The following CEP112 variants were observed in gnomAD, a reference collection of about 807,000 sequenced individuals.
The protein encoded by CEP112 is centrosomal protein of 112 kDa.
In CEP112, 127 loss-of-function variants were observed where a neutral mutation model predicts 153.0. That is an observed-to-expected ratio of 0.83 (90% CI 0.72 to 0.96). The LOEUF (loss-of-function observed/expected upper bound fraction) is 0.96. Ranked by LOEUF, CEP112 falls within the 40% of genes least tolerant of loss-of-function variation. CEP112 has a pLI of 0.00. For synonymous variants in CEP112, 358 were observed against 374.4 expected, an observed-to-expected ratio of 0.96 and a Z score of 0.51; for missense variants, 1,089 against 1,101.2, an observed-to-expected ratio of 0.99 and a Z score of 0.16.
intron 20 of CEP112, among the ~76,000 whole-genome samples, chr17:65,882,935 C>A (rs1598876823): frequency 6.6e-6 from 1 of 152,124 alleles, no homozygotes; most frequent in East Asian, 1.9e-4. Flanking sequence ...TCAAGGGGCC[C>A]TTCCTTGGCT....
rs200529461 is a variant in CEP112, at chr17:65,937,616, T to A, written c.1873-9927A>T. ...CCAGCCGCCCCGTCCGGGAGGGAGG[T>A]GGGGGGGTCAGCCCCCCGCCCGGCC... On this transcript the variant is annotated intron_variant, in intron 18 of 26. Transcript: ENST00000535342. Among the ~76,000 whole-genome samples, 63 of 47,042 alleles carry A rather than the reference T, an allele frequency of 1.3e-3. 1 individual carries two copies. The highest frequency in any genetic ancestry group is 3.4e-3 in the African/African-American group (44 of 13,126). 30.9% of individuals were successfully genotyped at this position (47,042 alleles called of 152,430 possible).
intron 4 of CEP112, among the ~76,000 whole-genome samples, chr17:66,135,266 G>A (rs1598418059): frequency 6.6e-6 from 1 of 152,220 alleles, no homozygotes; most frequent in South Asian, 2.1e-4. Context: ...AATCTGGCTG[G>A]CACAAGAAAA....
chr17:65,911,970 G>A (rs1227316247), intron 19 of CEP112, among the ~76,000 whole-genome samples: 2 of 152,098 alleles, frequency 1.3e-5, no homozygotes, highest in East Asian at 3.9e-4. Context: ...TCCCTTCGGG[G>A]GGAATATTTA....
At chr17:65,645,450 AT>A (rs1334663802) in intron 24 of CEP112, among the ~76,000 whole-genome samples, 4 of 151,912 alleles carry the variant, frequency 2.6e-5, no homozygotes, top group Admixed American at 1.3e-4. Context: ...ATTTCCTTGG[AT>A]GGTTTTAGTT....
chr17:66,140,429 T>C (rs1285779333), intron 4 of CEP112, among the ~76,000 whole-genome samples: 1 of 152,098 alleles, frequency 6.6e-6, no homozygotes, highest in Non-Finnish European at 1.5e-5. Flanking sequence ...GCCAGAGTAG[T>C]CAGGCAAGAG....
At chr17:65,640,315 C>T (rs1048295673) in intron 25 of CEP112, among the ~76,000 whole-genome samples, 2 of 150,710 alleles carry the variant, frequency 1.3e-5, no homozygotes, top group South Asian at 2.1e-4. Context: ...CACCACGCCC[C>T]GCTAATTTTT....
At chr17:65,824,418 C>T (rs1402779568) in intron 21 of CEP112, among the ~76,000 whole-genome samples, 1 of 152,196 alleles carries the variant, frequency 6.6e-6, no homozygotes, top group African/African-American at 2.4e-5. Context: ...AGAAGTGGAG[C>T]TGATGACAAA....
intron 17 of CEP112, among the ~76,000 whole-genome samples, chr17:65,966,262 G>A (rs1280979726): frequency 6.6e-6 from 1 of 152,184 alleles, no homozygotes; most frequent in Non-Finnish European, 1.5e-5. Flanking sequence ...ATTAAAGGAT[G>A]TTCTGAAGTA....
chr17:65,825,567 G>A (rs965684070), intron 21 of CEP112, among the ~76,000 whole-genome samples: 1 of 152,202 alleles, frequency 6.6e-6, no homozygotes, highest in African/African-American at 2.4e-5. Flanking sequence ...TGTTCAGTGG[G>A]CACAGGTTTA....
intron 21 of CEP112, among the ~76,000 whole-genome samples, chr17:65,767,498 C>G (rs2053058117): frequency 6.6e-6 from 1 of 150,436 alleles, no homozygotes; most frequent in South Asian, 2.1e-4. Context: ...AAATTAAACC[C>G]AAAGTTAGCA....
chr17:65,855,686 C>T (rs866669168), intron 20 of CEP112, among the ~76,000 whole-genome samples: 5 of 152,136 alleles, frequency 3.3e-5, no homozygotes, highest in South Asian at 4.1e-4. Flanking sequence ...ACCTGAGGAG[C>T]AAAACTACTA....
chr17:65,836,247 G>C (rs1166132837), intron 21 of CEP112, among the ~76,000 whole-genome samples: 1 of 152,140 alleles, frequency 6.6e-6, no homozygotes, highest in Non-Finnish European at 1.5e-5. Context: ...AAAACAATCA[G>C]AACACAAGTA....
intron 23 of CEP112, among the ~76,000 whole-genome samples, chr17:65,736,058 G>A (rs75443584): frequency 0.016 from 2,441 of 152,180 alleles, 51 homozygotes; most frequent in African/African-American, 0.056. Context: ...TGAGAGGGTC[G>A]AGTTATTGGC....
At chr17:65,962,851 G>A (rs934009140) in intron 17 of CEP112, among the ~76,000 whole-genome samples, 1 of 152,178 alleles carries the variant, frequency 6.6e-6, no homozygotes, top group Non-Finnish European at 1.5e-5. Flanking sequence ...ATGATTGTGA[G>A]GCCTCCCCAG....
At chr17:65,697,540 T>A (rs1266312199) in intron 23 of CEP112, among the ~76,000 whole-genome samples, 1 of 152,176 alleles carries the variant, frequency 6.6e-6, no homozygotes, top group East Asian at 1.9e-4. Context: ...CAGACTTATT[T>A]TTTTTTTAAT....
In CEP112 at chr17:65,777,877, C is replaced by T. The variant is rs1019881519; in HGVS notation, c.2395-27153G>A. ...CACTGTACCTATGACACACTGGAAC[C>T]ACCATTCTGCCCCACCAATAGGCTT... On this transcript the variant is annotated intron_variant, in intron 21 of 26. Coordinates refer to ENST00000535342, the MANE Select transcript of CEP112 (RefSeq NM_001199165.4). Among the ~76,000 whole-genome samples, 4 of 152,100 alleles carry T rather than the reference C, an allele frequency of 2.6e-5. No homozygotes were observed. The East Asian group carries it at 7.7e-4, about 29-fold the overall frequency.
At chr17:65,869,563 A>G (rs2058584093) in intron 20 of CEP112, among the ~76,000 whole-genome samples, 1 of 145,538 alleles carries the variant, frequency 6.9e-6, no homozygotes. Flanking sequence ...CATATAGGAA[A>G]GGCAAGATAA....
intron 21 of CEP112, among the ~76,000 whole-genome samples, chr17:65,817,857 C>T (rs771921441): frequency 1.2e-4 from 18 of 151,840 alleles, no homozygotes; most frequent in Non-Finnish European, 1.6e-4. Context: ...GCCTGACAAA[C>T]GTAATTTGCT....
chr17:66,094,460 G>T lies in CEP112; in HGVS notation c.768+1791C>A, dbSNP rs904551128. 1.3e-4 allele frequency among the ~76,000 whole-genome samples: 20 copies of T among 152,176 alleles called. No homozygotes were observed. In the South Asian group the frequency reaches 2.1e-3, roughly 16 times the overall value. On this transcript the variant is annotated intron_variant, in intron 8 of 26. Coordinates refer to ENST00000535342, the MANE Select transcript of CEP112 (RefSeq NM_001199165.4). ...AAAACTGGATATCCAACATGCAGAA[G>T]AATGAAATTAGACCCTTATCTCACA...
Sources: allele counts gnomAD v4.1 joint callset (sites outside exome capture counted in the v4.1 genomes callset), GRCh38; gene constraint gnomAD v4.1.1; transcripts MANE v1.5; gene names NCBI Gene and HGNC (gene_info 2026-07-23, HGNC 2026-07-21).